Variants in ZNF780B observed in about 807,000 individuals in gnomAD.
The protein encoded by ZNF780B is zinc finger protein 779.
ZNF780B carries 52 observed loss-of-function variants against 74.1 expected under a neutral mutation model. The ratio of observed to expected loss-of-function variants is 0.70; its 90% CI spans 0.56 to 0.88. The LOEUF is 0.88. ZNF780B is among the 40% of genes least tolerant of loss of function. The pLI is 0.00. For missense variants in ZNF780B, 953 were observed against 1,007.6 expected, an observed-to-expected ratio of 0.95 and a Z score of 0.73; for synonymous variants, 315 against 324.3, an observed-to-expected ratio of 0.97 and a Z score of 0.31.
chr19:40,032,413 C>A lies in ZNF780B; in HGVS notation c.*1944G>T. 2.6e-6 allele frequency: 1 copy of A among 381,146 alleles called. No homozygotes were observed. The highest frequency in any genetic ancestry group is 2.0e-5 in the South Asian group (1 of 50,198). 23.6% of individuals were successfully genotyped at this position (381,146 alleles called of 1,614,324 possible). On this transcript the variant is annotated 3_prime_UTR_variant, in exon 5 of 5. Coordinates refer to ENST00000434248, the MANE Select transcript of ZNF780B (RefSeq NM_001005851.3). The stretch of plus-strand genomic sequence containing the variant: ...TGCAATGCAGAATCTGCAATGGACT[C>A]TCCTTAGAAAATGAATAGCTGTAGG...
At position 40,030,713 on chromosome 19, in the gene ZNF780B, A is replaced by C. The variant is rs1426985604; in HGVS notation, c.*3644T>G. ...TCCAACATAGTACTGCCATGATTGC[A>C]TGATGATAGAGTTTCACCGAAAGGC... On this transcript the variant is annotated 3_prime_UTR_variant, in exon 5 of 5. Transcript: ENST00000434248. 1 of 152,234 alleles carries C rather than the reference A, an allele frequency of 6.6e-6. No individual in the cohort carries two copies. Among genetic ancestry groups the C allele is most frequent in the Non-Finnish European group, 1.5e-5 (1 of 68,046 alleles). The allele number at this position is 152,234 out of a possible 1,614,324, so 9.4% of individuals were successfully genotyped here. A position where few individuals can be genotyped will look rare whatever the true frequency, so the allele number is the denominator to read the frequency against.
In ZNF780B at chr19:40,032,319, C is replaced by T; in HGVS notation, c.*2038G>A. 1 of 373,698 alleles carries T rather than the reference C, an allele frequency of 2.7e-6. No homozygotes were observed. Among genetic ancestry groups the T allele is most frequent in the Non-Finnish European group, 5.2e-6 (1 of 192,914 alleles). 23.1% of individuals were successfully genotyped at this position (373,698 alleles called of 1,614,324 possible). A position where few individuals can be genotyped will look rare whatever the true frequency, so the allele number is the denominator to read the frequency against. ...TAAGTTCCACAGGGGATTCTGATACCCACCATAATTTGAGAGCATACTTTC... is the reference window on the plus strand; with the variant it reads ...TAAGTTCCACAGGGGATTCTGATACTCACCATAATTTGAGAGCATACTTTC... On this transcript the variant is annotated 3_prime_UTR_variant, in exon 5 of 5. Transcript: ENST00000434248.
At chr19:40,051,392 ACT>A (rs1973228215) in intron 1 of ZNF780B, among the ~76,000 whole-genome samples, 1 of 152,076 alleles carries the variant, frequency 6.6e-6, no homozygotes, top group Admixed American at 6.5e-5. Context: ...AAAAAAGGAA[ACT>A]CTACTGAGCT....
chr19:40,032,211 GTATCACAGACACAAAACC>G lies in ZNF780B; in HGVS notation c.*2128_*2145del. On this transcript the variant is annotated 3_prime_UTR_variant, in exon 5 of 5. Transcript: ENST00000434248. ...ACCAGTGGCTCTCTAACTCTGGTTGGTATCACAGACACAAAACCTGGAGAAATAATAAAAAACAGAGGC... is the reference window on the plus strand; with the variant it reads ...ACCAGTGGCTCTCTAACTCTGGTTGGTGGAGAAATAATAAAAAACAGAGGC... 2.7e-6 allele frequency: 1 copy of G among 370,372 alleles called. No individual in the cohort carries two copies. The highest frequency in any genetic ancestry group is 2.1e-5 in the South Asian group (1 of 47,812). 22.9% of individuals were successfully genotyped at this position (370,372 alleles called of 1,614,324 possible).
chr19:40,048,926 C>T, intron 2 of ZNF780B, 130 bp from the exon 3 acceptor site: 1 of 1,401,852 alleles, frequency 7.1e-7, no homozygotes, highest in Non-Finnish European at 9.6e-7. Context: ...ACACATTCTT[C>T]AAGAATCCTG....
In ZNF780B at chr19:40,036,488, T is replaced by C. The variant is rs1365928703; in HGVS notation, c.371A>G (p.Tyr124Cys). 19 of 1,610,940 alleles carry C rather than the reference T, an allele frequency of 1.2e-5. No individual in the cohort carries two copies. Among genetic ancestry groups the C allele is most frequent in the East Asian group, 2.2e-5 (1 of 44,836 alleles). The change falls in exon 5 of 5, where the codon TAT becomes TGT. Residue 124 changes from tyrosine to cysteine, a missense_variant. By Grantham distance (194) the Tyr-to-Cys change is radical. Coordinates refer to ENST00000434248, the MANE Select transcript of ZNF780B (RefSeq NM_001005851.3). ...EAFYFRNDSEYRSRFEGRQGH... is the reference protein window; with the variant it reads ...EAFYFRNDSECRSRFEGRQGH... ...CTGTCGTCCCTCAAATCTACTTCTA[T>C]ATTCTGAGTCATTTCTAAAATAAAA...
rs376542350 is a variant in ZNF780B at position 40,034,568 on chromosome 19, C to T, written c.2291G>A (p.Arg764His). Reference protein sequence around the residue: ...KCKECGKAFNRGSNLVQPQSI... With the variant: ...KCKECGKAFNHGSNLVQPQSI... ...CTGAGGTTGAACAAGGTTTGAGCCA[C>T]GATTAAAGGCCTTCCCACACTCCTT... The change falls in exon 5 of 5, where the codon CGT becomes CAT. Residue 764 changes from arginine (R) to histidine (H), a missense_variant. Coordinates refer to ENST00000434248, the MANE Select transcript of ZNF780B (RefSeq NM_001005851.3). 2.3e-5 allele frequency: 37 copies of T among 1,612,072 alleles called. No homozygotes were observed. The highest frequency in any genetic ancestry group is 1.8e-4 in the African/African-American group (13 of 74,280).
intron 4 of ZNF780B, among the ~76,000 whole-genome samples, chr19:40,042,239 T>C (rs1211006311): frequency 1.3e-5 from 2 of 152,250 alleles, no homozygotes; most frequent in African/African-American, 4.8e-5. Flanking sequence ...CCCCACTCTC[T>C]TCTGGCTTGT....
intron 3 of ZNF780B, among the ~76,000 whole-genome samples, chr19:40,048,067 G>C (rs183384903): frequency 3.9e-5 from 6 of 152,146 alleles, no homozygotes; most frequent in African/African-American, 1.4e-4. Context: ...AAGGTCTGTC[G>C]AAGGAAATGG....
intron 2 of ZNF780B, chr19:40,049,036 C>T (rs1365409370): frequency 9.0e-6 from 4 of 446,294 alleles, no homozygotes; most frequent in Non-Finnish European, 1.6e-5. Flanking sequence ...ACAGCCTGGG[C>T]AACATAACGA....
Position 40,036,543 on chromosome 19 carries a change from G to T in ZNF780B, c.316C>A (p.Gln106Lys). 6.3e-7 allele frequency: 1 copy of T among 1,593,244 alleles called. No homozygotes were observed. The highest frequency in any genetic ancestry group is 2.2e-5 in the East Asian group (1 of 44,594). ...TCGAGGCCAAGTGTTTTACTTATTT[G>T]CTTTATAACATGTTTGGGTAAATTT... ...EINLPKHVIKQISKTLGLEAF... is the reference protein window; with the variant it reads ...EINLPKHVIKKISKTLGLEAF... Residue 106 changes from glutamine (Q) to lysine (K), a missense_variant, in exon 5 of 5, where the codon CAA becomes AAA. Transcript: ENST00000434248.
At chr19:40,051,922 T>C (rs889655036) in intron 1 of ZNF780B, among the ~76,000 whole-genome samples, 1 of 150,822 alleles carries the variant, frequency 6.6e-6, no homozygotes, top group African/African-American at 2.5e-5. Flanking sequence ...TATCTTAGTA[T>C]ATGGGATTCA....
chr19:40,034,939 T>A lies in ZNF780B; in HGVS notation c.1920A>T (p.Pro640=). Reference sequence around the variant, plus strand: ...ACTTCCCACATTCTTTACATTTAAATGGCTTCTCACCTGTGTGAATGTTCT... The same window carrying A: ...ACTTCCCACATTCTTTACATTTAAAAGGCTTCTCACCTGTGTGAATGTTCT... ...HHKNIHTGEK[P]FKCKECGKSF... The change falls in exon 5 of 5, where the codon CCA becomes CCT. Residue 640 remains proline (P), a synonymous_variant. Transcript: ENST00000434248. The A allele has an allele frequency of 2.5e-6, 4 of 1,614,110 alleles. No homozygotes were observed. Among genetic ancestry groups the A allele is most frequent in the Non-Finnish European group, 3.4e-6 (4 of 1,180,004 alleles).
At position 40,035,156 on chromosome 19, in the gene ZNF780B, C is replaced by T. The variant is rs758213950; in HGVS notation, c.1703G>A (p.Arg568His). Reference protein sequence around the residue: ...ECKECGKFFRRGSNLNQHRSI... With the variant: ...ECKECGKFFRHGSNLNQHRSI... ...TCGATGTTGATTAAGATTTGAACCA[C>T]GACGAAAGAATTTCCCACATTCCTT... Residue 568 changes from arginine (R) to histidine (H), a missense_variant, in exon 5 of 5, where the codon CGT becomes CAT. By Grantham distance (29) the Arg-to-His change is conservative. Transcript: ENST00000434248. 5.7e-5 allele frequency: 92 copies of T among 1,613,286 alleles called. No individual in the cohort carries two copies. Among genetic ancestry groups the T allele is most frequent in the South Asian group, 3.4e-4 (31 of 90,918 alleles).
chr19:40,054,579 T>C (rs1973395123), intron 1 of ZNF780B, among the ~76,000 whole-genome samples: 1 of 152,230 alleles, frequency 6.6e-6, no homozygotes, highest in African/African-American at 2.4e-5. Flanking sequence ...TTTCTTACTA[T>C]GCAAGCAGCA....
chr19:40,052,541 T>A (rs903360032), intron 1 of ZNF780B, among the ~76,000 whole-genome samples: 9 of 151,902 alleles, frequency 5.9e-5, no homozygotes, highest in Admixed American at 2.0e-4. Context: ...GAACTCAGAT[T>A]AAGAATTTCA....
At chr19:40,053,817 G>A (rs1973349930) in intron 1 of ZNF780B, among the ~76,000 whole-genome samples, 1 of 152,228 alleles carries the variant, frequency 6.6e-6, no homozygotes, top group Admixed American at 6.5e-5. Context: ...CAGAAAGGCA[G>A]ATGATCTCAC....
chr19:40,043,872 C>T (rs968696611), intron 4 of ZNF780B, among the ~76,000 whole-genome samples: 5 of 152,362 alleles, frequency 3.3e-5, no homozygotes, highest in East Asian at 1.9e-4. Context: ...GGCAATGCCT[C>T]GCCCTGCTTT....
intron 4 of ZNF780B, among the ~76,000 whole-genome samples, chr19:40,039,783 T>C (rs1374977986): frequency 1.3e-5 from 2 of 152,136 alleles, no homozygotes; most frequent in Non-Finnish European, 1.5e-5. Flanking sequence ...TTTGCTGAAG[T>C]TGCTTATCAG....
Sources: gnomAD v4.1 joint callset for allele counts (sites outside exome capture counted in the v4.1 genomes callset) on GRCh38, gnomAD v4.1.1 for gene constraint, MANE v1.5 for transcripts, NCBI Gene and HGNC (gene_info 2026-07-23, HGNC 2026-07-21) for gene names.